The following CPA6 variants were observed in gnomAD, a reference collection of about 807,000 sequenced individuals.
The protein encoded by CPA6 is carboxypeptidase A6, also known as carboxypeptidase B.
CPA6 carries 58 observed loss-of-function variants against 63.3 expected under a neutral mutation model. The ratio of observed to expected loss-of-function variants is 0.92; its 90% confidence interval spans 0.74 to 1.14. The LOEUF is 1.14. Among genes scored for constraint, CPA6 ranks in the 50% most tolerant of loss-of-function variants. The pLI is 0.00. For missense variants in CPA6, 565 were observed against 526.6 expected (o/e 1.07, Z -0.71); for synonymous variants, 185 against 179.0 (o/e 1.03, Z -0.27).
At chr8:67,590,704 T>C (rs2128980889) in intron 2 of CPA6, among the ~76,000 whole-genome samples, 1 of 152,238 alleles carries the variant, frequency 6.6e-6, no homozygotes, top group Non-Finnish European at 1.5e-5. Context: ...GAAGTGTCTG[T>C]TCATATCCTT....
intron 2 of CPA6, among the ~76,000 whole-genome samples, chr8:67,616,501 ATGTG>A (rs4009134): frequency 0.054 from 6,889 of 126,870 alleles, 214 homozygotes; most frequent in African/African-American, 0.11. Flanking sequence ...GGCAAATTGA[ATGTG>A]TGTGTGTGTG....
intron 2 of CPA6, among the ~76,000 whole-genome samples, chr8:67,538,622 G>A (rs1340369139): frequency 1.4e-5 from 2 of 148,098 alleles, no homozygotes; most frequent in Non-Finnish European, 3.0e-5. Flanking sequence ...CCTGAATACA[G>A]CACACCAATG....
chr8:67,665,929 G>C (rs1268572827), intron 1 of CPA6, among the ~76,000 whole-genome samples: 5 of 152,194 alleles, frequency 3.3e-5, no homozygotes, highest in Non-Finnish European at 4.4e-5. Flanking sequence ...CCTGACAAAT[G>C]TTAAACCTTC....
chr8:67,613,210 C>T (rs983983784), intron 2 of CPA6, among the ~76,000 whole-genome samples: 1 of 152,198 alleles, frequency 6.6e-6, no homozygotes, highest in Admixed American at 6.5e-5. Context: ...CATTTTACAA[C>T]AGTTTTTATT....
At chr8:67,429,901 C>T (rs1223044545) in intron 9 of CPA6, among the ~76,000 whole-genome samples, 1 of 152,124 alleles carries the variant, frequency 6.6e-6, no homozygotes, top group Non-Finnish European at 1.5e-5. Flanking sequence ...TGCACCTCTG[C>T]CACTTGGGTA....
chr8:67,435,136 T>A (rs1164677890), intron 8 of CPA6, among the ~76,000 whole-genome samples: 1 of 152,040 alleles, frequency 6.6e-6, no homozygotes, highest in Non-Finnish European at 1.5e-5. Flanking sequence ...CCCCAGCAAA[T>A]GTTTTGGAGG....
At chr8:67,458,026 T>C (rs1425169343) in intron 8 of CPA6, among the ~76,000 whole-genome samples, 2 of 152,116 alleles carry the variant, frequency 1.3e-5, no homozygotes, top group African/African-American at 4.8e-5. Flanking sequence ...TTACAAATGG[T>C]GCTGGAACAA....
intron 9 of CPA6, among the ~76,000 whole-genome samples, chr8:67,429,211 G>GTA (rs1809964601): frequency 6.6e-6 from 1 of 152,050 alleles, no homozygotes; most frequent in Non-Finnish European, 1.5e-5. Flanking sequence ...GCAAAAATTA[G>GTA]GAAAAATATT....
At chr8:67,624,825 G>A (rs768439613) in intron 1 of CPA6, among the ~76,000 whole-genome samples, 3 of 152,086 alleles carry the variant, frequency 2.0e-5, no homozygotes, top group African/African-American at 4.8e-5. Context: ...GACACTGATG[G>A]CTGTAAATTT....
chr8:67,709,406 G>A (rs1427147160), intron 1 of CPA6, among the ~76,000 whole-genome samples: 1 of 152,134 alleles, frequency 6.6e-6, no homozygotes, highest in Non-Finnish European at 1.5e-5. Context: ...CTCTCACTCT[G>A]CCTTATGTCC....
intron 1 of CPA6, among the ~76,000 whole-genome samples, chr8:67,714,872 G>A (rs950758090): frequency 1.4e-4 from 21 of 152,058 alleles, no homozygotes; most frequent in Non-Finnish European, 3.1e-4. Context: ...TACTCTCATT[G>A]AGCTTATAGT....
rs568260979 is a variant in CPA6 at position 67,560,848 on chromosome 8, A to G, written c.193-42801T>C. Among the ~76,000 whole-genome samples the G allele has an allele frequency of 3.3e-5, 5 of 152,066 alleles. No individual in the cohort carries two copies. The East Asian group carries it at 9.7e-4, about 29-fold the overall frequency. ...TTTATGCTCTCCCCTGCTTAGCCCC[A>G]TCCCTATTTCTGTTTATGTGGACAT... On this transcript the variant is annotated intron_variant, in intron 2 of 10. Transcript: ENST00000297770.
chr8:67,600,523 C>T (rs1437903376), intron 2 of CPA6, among the ~76,000 whole-genome samples: 3 of 152,062 alleles, frequency 2.0e-5, no homozygotes, highest in Non-Finnish European at 2.9e-5. Flanking sequence ...GTTCTCACTA[C>T]AAAAAATGAT....
At chr8:67,547,054 A>AT (rs546889217) in intron 2 of CPA6, among the ~76,000 whole-genome samples, 8 of 151,440 alleles carry the variant, frequency 5.3e-5, no homozygotes, top group Admixed American at 2.6e-4. Flanking sequence ...TATTTTATTT[A>AT]TTTTTTTTGT....
intron 8 of CPA6, among the ~76,000 whole-genome samples, chr8:67,457,620 C>T (rs575102738): frequency 6.6e-6 from 1 of 152,238 alleles, no homozygotes; most frequent in East Asian, 1.9e-4. Flanking sequence ...GTTCCCCTCA[C>T]ACTGTAATCC....
chr8:67,498,268 G>GC (rs1811762062), intron 6 of CPA6, among the ~76,000 whole-genome samples: 2 of 152,126 alleles, frequency 1.3e-5, no homozygotes, highest in South Asian at 4.2e-4. Flanking sequence ...GGACATGGTG[G>GC]CTCACATCTG....
chr8:67,739,236 T>C (rs1049447662), intron 1 of CPA6, among the ~76,000 whole-genome samples: 18 of 152,318 alleles, frequency 1.2e-4, no homozygotes, highest in Admixed American at 9.2e-4. Context: ...CAGCATTGCA[T>C]GTCTTTAACC....
rs539233580 is a variant in CPA6 at position 67,466,538 on chromosome 8, G to A, written c.838+17230C>T. On this transcript the variant is annotated intron_variant, in intron 8 of 10. Coordinates refer to ENST00000297770, the MANE Select transcript of CPA6 (RefSeq NM_020361.5). ...GTTTTGTCTTGTTTTTCTAGTTGCT[G>A]TAGGTGTTATGTTAGATCATTAATT... 3.9e-5 allele frequency among the ~76,000 whole-genome samples: 6 copies of A among 152,220 alleles called. No individual in the cohort carries two copies. The South Asian group carries it at 8.3e-4, about 21-fold the overall frequency.
At chr8:67,592,137 G>C (rs981275814) in intron 2 of CPA6, among the ~76,000 whole-genome samples, 162 of 152,276 alleles carry the variant, frequency 1.1e-3, no homozygotes, top group Non-Finnish European at 1.7e-3. Context: ...TGCATCTATT[G>C]AGATAATCAC....
Sources: allele counts gnomAD v4.1 joint callset (sites outside exome capture counted in the v4.1 genomes callset), GRCh38; gene constraint gnomAD v4.1.1; transcripts MANE v1.5; gene names NCBI Gene and HGNC (gene_info 2026-07-23, HGNC 2026-07-21).